The following NHS variants were observed in gnomAD, a reference collection of about 807,000 sequenced individuals.
NHS encodes the protein NHS actin remodeling regulator.
Under a neutral mutation model 72.5 loss-of-function variants are expected in NHS, and 5 were observed. The observed-to-expected ratio is 0.07, with a 90% CI of 0.04 to 0.14. NHS has a LOEUF of 0.14. NHS is among the 10% of genes least tolerant of loss of function. The pLI is 1.00. For synonymous variants in NHS, 464 were observed against 547.7 expected (o/e 0.85, Z 2.13); for missense variants, 1,072 against 1,355.7 (o/e 0.79, Z 3.29).
intron 1 of NHS, among the ~76,000 whole-genome samples, chrX:17,451,062 TACA>T (rs1233447828): frequency 8.9e-6 from 1 of 112,257 alleles, no homozygotes; most frequent in African/African-American, 3.2e-5. Flanking sequence ...TTTCAAATAG[TACA>T]ACAAAAAGAA....
chrX:17,421,441 A>C (rs1006388801), intron 1 of NHS, among the ~76,000 whole-genome samples: 10 of 111,837 alleles, frequency 8.9e-5, no homozygotes, highest in African/African-American at 3.2e-4. Flanking sequence ...CAACTGTTGG[A>C]AATGAAATTT....
intron 1 of NHS, among the ~76,000 whole-genome samples, chrX:17,381,931 T>C (rs751943095): frequency 1.4e-4 from 16 of 112,654 alleles, no homozygotes; most frequent in Middle Eastern, 4.6e-3. Context: ...GATATTGGTA[T>C]TGATGTTTAA....
intron 1 of NHS, among the ~76,000 whole-genome samples, chrX:17,448,078 C>A (rs544536562): frequency 1.8e-5 from 2 of 111,187 alleles, no homozygotes; most frequent in East Asian, 5.6e-4. Context: ...TTATGTATAG[C>A]AGTATATTTT....
At chrX:17,548,824 G>A (rs2065308913) in intron 1 of NHS, among the ~76,000 whole-genome samples, 1 of 111,285 alleles carries the variant, frequency 9.0e-6, no homozygotes, top group Non-Finnish European at 1.9e-5. Flanking sequence ...AAAAGGAAGA[G>A]GGCTGACAAC....
intron 1 of NHS, among the ~76,000 whole-genome samples, chrX:17,644,609 T>C (rs781275250): frequency 1.8e-5 from 2 of 111,150 alleles, no homozygotes; most frequent in Non-Finnish European, 3.8e-5. Context: ...GGTGAACCAG[T>C]ACCCCTATAA....
At chrX:17,642,445 C>T (rs2065886678) in intron 1 of NHS, among the ~76,000 whole-genome samples, 2 of 111,638 alleles carry the variant, frequency 1.8e-5, no homozygotes, top group Admixed American at 1.9e-4. Context: ...TGAAAAGAAC[C>T]TTCGTAGGGA....
At chrX:17,662,664 T>C (rs1004861983) in intron 1 of NHS, among the ~76,000 whole-genome samples, 4 of 111,818 alleles carry the variant, frequency 3.6e-5, no homozygotes, top group Non-Finnish European at 7.5e-5. Flanking sequence ...TCCAATAGCG[T>C]CTGATAATGC....
intron 3 of NHS, among the ~76,000 whole-genome samples, chrX:17,717,197 C>T (rs2066369829): frequency 8.9e-6 from 1 of 112,040 alleles, no homozygotes; most frequent in South Asian, 3.7e-4. Context: ...GAACTCCTGA[C>T]CTCAAGTGAT....
At chrX:17,555,916 G>A (rs746903664) in intron 1 of NHS, among the ~76,000 whole-genome samples, 1 of 112,069 alleles carries the variant, frequency 8.9e-6, no homozygotes, top group Non-Finnish European at 1.9e-5. Flanking sequence ...AATTACATTT[G>A]AAATAATTTA....
At chrX:17,553,320 T>C (rs62586093) in intron 1 of NHS, among the ~76,000 whole-genome samples, 1,229 of 112,795 alleles carry the variant, frequency 0.011, 5 homozygotes, top group Non-Finnish European at 0.018. Flanking sequence ...ATGAGATGGT[T>C]AAGAGCCCTG....
chrX:17,491,754 CTTT>C (rs760624484), intron 1 of NHS, among the ~76,000 whole-genome samples: 2 of 68,568 alleles, frequency 2.9e-5, no homozygotes, highest in Non-Finnish European at 5.8e-5. Flanking sequence ...TGGTCCTGGG[CTTT>C]TTTTTTTTTT....
At chrX:17,679,549 T>TGA (rs2066110412) in intron 1 of NHS, among the ~76,000 whole-genome samples, 1 of 110,584 alleles carries the variant, frequency 9.0e-6, no homozygotes, top group Admixed American at 9.7e-5. Flanking sequence ...GGAGTGCAAA[T>TGA]GAGAGGTGGG....
rs2066434080 is a variant in NHS at position 17,725,363 on chromosome X, A to G, written c.1257A>G (p.Pro419=). 8.3e-7 allele frequency: 1 copy of G among 1,207,214 alleles called. No individual in the cohort carries two copies. Among genetic ancestry groups the G allele is most frequent in the Non-Finnish European group, 1.1e-6 (1 of 891,815 alleles). ...VQQEIDSDES[P]VARERNVIVH... is the part of the protein sequence containing the mutation. ...GTGCCCTAGATTCTGATGAATCACCAGTGGCCAGGGAAAGGAATGTGATTG... is the reference window on the plus strand; with the variant it reads ...GTGCCCTAGATTCTGATGAATCACCGGTGGCCAGGGAAAGGAATGTGATTG... The change falls in exon 7 of 9, where the codon CCA becomes CCG. Residue 419 remains proline (P), a synonymous_variant. Transcript: ENST00000676302.
chrX:17,639,633 C>A (rs901996437), intron 1 of NHS, among the ~76,000 whole-genome samples: 1 of 112,014 alleles, frequency 8.9e-6, no homozygotes, highest in Non-Finnish European at 1.9e-5. Context: ...CCATTTAATC[C>A]ATTAACCCAT....
chrX:17,415,508 G>T (rs1442200223), intron 1 of NHS, among the ~76,000 whole-genome samples: 1 of 111,107 alleles, frequency 9.0e-6, no homozygotes, highest in Non-Finnish European at 1.9e-5. Flanking sequence ...TAATTGCTCG[G>T]CAGGGGGGAC....
chrX:17,518,840 T>A (rs760594518), intron 1 of NHS, among the ~76,000 whole-genome samples: 1 of 111,881 alleles, frequency 8.9e-6, no homozygotes, highest in Admixed American at 9.5e-5. Flanking sequence ...CTTGGATGAT[T>A]CTAACGCAAA....
chrX:17,536,834 G>A (rs984368609), intron 1 of NHS, among the ~76,000 whole-genome samples: 1 of 112,061 alleles, frequency 8.9e-6, no homozygotes, highest in Non-Finnish European at 1.9e-5. Context: ...TGAAACCTTT[G>A]AGAATGTTTC....
chrX:17,649,824 T>C (rs2065922519), intron 1 of NHS, among the ~76,000 whole-genome samples: 1 of 111,914 alleles, frequency 8.9e-6, no homozygotes. Flanking sequence ...AAACACATAG[T>C]TCCTTATGAA....
At chrX:17,536,108 C>T (rs959024451) in intron 1 of NHS, among the ~76,000 whole-genome samples, 17 of 112,094 alleles carry the variant, frequency 1.5e-4, no homozygotes, top group Admixed American at 1.4e-3. Context: ...GTAATCCCAG[C>T]ACTTTGGGAG....
Sources: allele counts gnomAD v4.1 joint callset (sites outside exome capture counted in the v4.1 genomes callset), GRCh38; gene constraint gnomAD v4.1.1; transcripts MANE v1.5; gene names NCBI Gene and HGNC (gene_info 2026-07-23, HGNC 2026-07-21).